Variants in VWA5B1 observed in about 807,000 individuals in gnomAD.
VWA5B1 encodes von Willebrand factor A domain containing 5B1.
In VWA5B1, 115 loss-of-function variants were observed where a neutral mutation model predicts 118.2. The observed-to-expected ratio is 0.97, with a 90% CI of 0.84 to 1.14. The LOEUF (loss-of-function observed/expected upper bound fraction) is 1.14, where lower values mean the gene tolerates loss of function less well. VWA5B1 is among the 50% of genes most tolerant of loss of function. The probability of loss-of-function intolerance (pLI) is 0.00; values close to 1 mark genes in which losing one functional copy is unlikely to be tolerated. For missense variants in VWA5B1, 1,596 were observed against 1,603.8 expected, an observed-to-expected ratio of 1.00 and a Z score of 0.08; for synonymous variants, 682 against 658.4, an observed-to-expected ratio of 1.04 and a Z score of -0.55.
At chr1:20,306,987 C>T (rs2088675327) in intron 1 of VWA5B1, among the ~76,000 whole-genome samples, 1 of 152,154 alleles carries the variant, frequency 6.6e-6, no homozygotes, top group Non-Finnish European at 1.5e-5. Flanking sequence ...TAAGGCCCTC[C>T]CTCCCTCTTC....
intron 1 of VWA5B1, among the ~76,000 whole-genome samples, chr1:20,298,275 A>T (rs921881286): frequency 6.6e-6 from 1 of 151,796 alleles, no homozygotes; most frequent in African/African-American, 2.4e-5. Context: ...CCCAAATGGT[A>T]GGATTACAGG....
At chr1:20,339,647 C>T (rs1226760100) in intron 14 of VWA5B1, among the ~76,000 whole-genome samples, 1 of 151,966 alleles carries the variant, frequency 6.6e-6, no homozygotes, top group Non-Finnish European at 1.5e-5. Flanking sequence ...CCCTATATGC[C>T]CCCTCCCACT....
intron 21 of VWA5B1, among the ~76,000 whole-genome samples, chr1:20,352,687 C>T (rs1335259772): frequency 6.6e-6 from 1 of 152,180 alleles, no homozygotes; most frequent in Non-Finnish European, 1.5e-5. Flanking sequence ...GGCCCTGCCA[C>T]ATCTGGGGCC....
intron 1 of VWA5B1, among the ~76,000 whole-genome samples, chr1:20,301,829 A>G (rs1051663362): frequency 3.3e-5 from 5 of 152,228 alleles, no homozygotes; most frequent in Admixed American, 3.3e-4. Context: ...TGTGTAATAC[A>G]GCCCAATTTT....
At position 20,332,868 on chromosome 1, in the gene VWA5B1, G is replaced by T. The variant is rs759970278; in HGVS notation, c.1675G>T (p.Ala559Ser). ...TTEVLVSPVS[A>S]SSLFPGERLV... is the part of the protein sequence containing the mutation. ...TGAGGTCCTGGTCTCACCCGTCAGC[G>T]CCAGCTCCCTCTTCCCTGGAGAACG... is the stretch of plus-strand genomic sequence containing the variant. Residue 559 changes from alanine to serine, a missense_variant, in exon 12 of 22, where the codon GCC (alanine) becomes TCC (serine). Transcript: ENST00000289815. The T allele has an allele frequency of 1.3e-6, 2 of 1,551,904 alleles. No homozygotes were observed. Among genetic ancestry groups the T allele is most frequent in the South Asian group, 1.2e-5 (1 of 84,056 alleles).
At chr1:20,307,148 A>G (rs528269785) in intron 1 of VWA5B1, among the ~76,000 whole-genome samples, 12 of 152,350 alleles carry the variant, frequency 7.9e-5, no homozygotes, top group African/African-American at 1.9e-4. Flanking sequence ...GAAGGTAAAC[A>G]TAGTGTTGAC....
intron 4 of VWA5B1, among the ~76,000 whole-genome samples, chr1:20,315,038 G>A (rs545297666): frequency 6.6e-6 from 1 of 152,308 alleles, no homozygotes; most frequent in East Asian, 1.9e-4. Flanking sequence ...ACTGGAATGC[G>A]TTATTGACTG....
At chr1:20,298,069 G>A (rs1426284126) in intron 1 of VWA5B1, among the ~76,000 whole-genome samples, 1 of 146,198 alleles carries the variant, frequency 6.8e-6, no homozygotes, top group Non-Finnish European at 1.5e-5. Context: ...GGAGCACAGT[G>A]GTATGATCAT....
At chr1:20,317,419 C>G in intron 4 of VWA5B1, 111 bp from the exon 5 acceptor site, 2 of 1,429,394 alleles carry the variant, frequency 1.4e-6, no homozygotes, top group East Asian at 5.1e-5. Flanking sequence ...TCTGGGGGCC[C>G]CCTTGGTGGG....
At chr1:20,300,198 A>G (rs1215545820) in intron 1 of VWA5B1, among the ~76,000 whole-genome samples, 1 of 152,204 alleles carries the variant, frequency 6.6e-6, no homozygotes, top group Non-Finnish European at 1.5e-5. Context: ...ATTCAGTGTG[A>G]AAATCCCTCT....
At chr1:20,337,462 T>C (rs897303012) in intron 13 of VWA5B1, among the ~76,000 whole-genome samples, 184 bp from the exon 14 acceptor site, 3 of 151,338 alleles carry the variant, frequency 2.0e-5, no homozygotes, top group Non-Finnish European at 2.9e-5. Context: ...GCAGGGAGAG[T>C]AGCTGGGAAG....
intron 11 of VWA5B1, among the ~76,000 whole-genome samples, chr1:20,331,345 A>G (rs974166232): frequency 1.3e-5 from 2 of 152,252 alleles, no homozygotes; most frequent in Non-Finnish European, 1.5e-5. Flanking sequence ...TAAAGAACCC[A>G]GAAATAAAGG....
chr1:20,343,357 G>A lies in VWA5B1; in HGVS notation c.2590G>A (p.Glu864Lys), dbSNP rs988761827. ...LAARAIIRDF[E>K]QLAEREGEIE... Reference sequence around the variant, plus strand: ...GGCCCGCGCCATCATCCGCGACTTCGAGCAGCTGGCGGAGCGCGAGGGCGA... The same window carrying A: ...GGCCCGCGCCATCATCCGCGACTTCAAGCAGCTGGCGGAGCGCGAGGGCGA... The change falls in exon 16 of 22, where the codon GAG becomes AAG. Residue 864 changes from glutamate to lysine, a missense_variant. Physicochemically the swap from Glu to Lys is moderately conservative, Grantham distance 56 (BLOSUM62 1). Coordinates refer to ENST00000289815, the MANE Select transcript of VWA5B1 (RefSeq NM_001039500.3). 6 of 1,539,448 alleles carry A rather than the reference G, an allele frequency of 3.9e-6. No homozygotes were observed. The highest frequency in any genetic ancestry group is 1.2e-5 in the South Asian group (1 of 83,872).
chr1:20,314,277 C>G (rs188461274), intron 3 of VWA5B1, 45 bp from the exon 4 acceptor site: 1 of 1,534,798 alleles, frequency 6.5e-7, no homozygotes, highest in East Asian at 2.5e-5. Flanking sequence ...TAGAGGGGAT[C>G]AGAGATAATC....
intron 13 of VWA5B1, among the ~76,000 whole-genome samples, chr1:20,337,043 G>A (rs186853684): frequency 2.0e-5 from 3 of 152,246 alleles, no homozygotes; most frequent in Middle Eastern, 3.4e-3. Flanking sequence ...AACTGCCTGA[G>A]CAGCAATGTG....
chr1:20,298,147 A>G (rs1003532747), intron 1 of VWA5B1, among the ~76,000 whole-genome samples: 1 of 151,822 alleles, frequency 6.6e-6, no homozygotes, highest in African/African-American at 2.4e-5. Context: ...AGAAGCTGGG[A>G]TTACAGGTGT....
At position 20,292,137 on chromosome 1, in the gene VWA5B1, CCT is replaced by C. The variant is rs2088320907; in HGVS notation, c.-27+1054_-27+1055del. Among the ~76,000 whole-genome samples, 4 of 147,074 alleles carry C rather than the reference CCT, an allele frequency of 2.7e-5. No homozygotes were observed. The South Asian group carries it at 8.8e-4, about 32-fold the overall frequency. On this transcript the variant is annotated intron_variant, in intron 1 of 21. Coordinates refer to ENST00000289815, the MANE Select transcript of VWA5B1 (RefSeq NM_001039500.3). ...TCTGTCTCTCTTTCTCTTTTCTTTCCCTCTCTTTCTTTCTCTCTCTCTCTTTC... is the reference window on the plus strand; with the variant it reads ...TCTGTCTCTCTTTCTCTTTTCTTTCCCTCTTTCTTTCTCTCTCTCTCTTTC...
At chr1:20,320,935 G>C (rs542738916) in intron 7 of VWA5B1, among the ~76,000 whole-genome samples, 1 of 152,102 alleles carries the variant, frequency 6.6e-6, no homozygotes, top group Non-Finnish European at 1.5e-5. Flanking sequence ...ACGTGGGAGA[G>C]AGACAGCGAG....
At chr1:20,295,615 T>G (rs1399769586) in intron 1 of VWA5B1, among the ~76,000 whole-genome samples, 4 of 152,158 alleles carry the variant, frequency 2.6e-5, no homozygotes, top group African/African-American at 9.7e-5. Context: ...ATCAAACTGC[T>G]GGGCACAGGA....
Sources: allele counts gnomAD v4.1 joint callset (sites outside exome capture counted in the v4.1 genomes callset), GRCh38; gene constraint gnomAD v4.1.1; transcripts MANE v1.5; gene names NCBI Gene and HGNC (gene_info 2026-07-23, HGNC 2026-07-21).